EYA3: variants seen among roughly 807,000 people sequenced by gnomAD.
EYA3 encodes EYA transcriptional coactivator and phosphatase 3.
Under a neutral mutation model 80.0 loss-of-function variants are expected in EYA3, and 39 were observed. The ratio of observed to expected loss-of-function variants is 0.49; its 90% CI spans 0.38 to 0.64. The LOEUF is 0.64. Ranked by LOEUF, EYA3 falls within the 30% of genes least tolerant of loss-of-function variation. The pLI, the probability that EYA3 is intolerant of heterozygous loss-of-function variation, is 0.00. For synonymous variants in EYA3, 206 were observed against 232.8 expected, an observed-to-expected ratio of 0.88 and a Z score of 1.05; for missense variants, 523 against 676.1, an observed-to-expected ratio of 0.77 and a Z score of 2.51.
chr1:27,978,359 C>T lies in EYA3; in HGVS notation c.1641+15G>A. 27 of 1,600,808 alleles carry T rather than the reference C, an allele frequency of 1.7e-5. No homozygotes were observed. The highest frequency in any genetic ancestry group is 2.3e-5 in the Non-Finnish European group (27 of 1,168,494). ...ATGTACAACCACATAGACTATTTTT[C>T]TTTACCATGGTTACCTGTTTGGCTG... is the stretch of plus-strand genomic sequence containing the variant. On this transcript the variant is annotated intron_variant, in intron 17 of 17. Coordinates refer to ENST00000373871, the MANE Select transcript of EYA3 (RefSeq NM_001990.4).
intron 1 of EYA3, among the ~76,000 whole-genome samples, chr1:28,084,807 C>A (rs1303707538): frequency 6.6e-6 from 1 of 151,004 alleles, no homozygotes; most frequent in Non-Finnish European, 1.5e-5. Flanking sequence ...TGGGGTTTCA[C>A]CGTGTTGCCC....
At chr1:28,027,219 C>G (rs1242779826) in intron 7 of EYA3, among the ~76,000 whole-genome samples, 2 of 152,104 alleles carry the variant, frequency 1.3e-5, no homozygotes, top group African/African-American at 4.8e-5. Context: ...TCCTAATAGT[C>G]CTGTCATAAT....
intron 12 of EYA3, 116 bp downstream of exon 12, chr1:27,999,844 G>A (rs1010010160): frequency 1.5e-5 from 10 of 671,574 alleles, no homozygotes; most frequent in Non-Finnish European, 2.2e-5. Flanking sequence ...TGGCCAGCTG[G>A]CCTCTCCATA....
chr1:28,006,761 A>C (rs1372048223), intron 10 of EYA3, among the ~76,000 whole-genome samples: 5 of 151,964 alleles, frequency 3.3e-5, no homozygotes, highest in Admixed American at 2.6e-4. Flanking sequence ...CTAGTACCAC[A>C]CCTAGTGGTG....
intron 7 of EYA3, among the ~76,000 whole-genome samples, chr1:28,019,843 G>A (rs910977805): frequency 6.6e-6 from 1 of 152,016 alleles, no homozygotes; most frequent in African/African-American, 2.4e-5. Flanking sequence ...TGAGATTACA[G>A]ACATGCACCA....
chr1:28,048,071 G>T (rs951708950), intron 3 of EYA3, among the ~76,000 whole-genome samples: 1 of 152,086 alleles, frequency 6.6e-6, no homozygotes, highest in African/African-American at 2.4e-5. Flanking sequence ...TTGTACGTCT[G>T]ACTGAAGAAT....
intron 1 of EYA3, among the ~76,000 whole-genome samples, chr1:28,064,201 T>C (rs1438206068): frequency 6.6e-6 from 1 of 152,170 alleles, no homozygotes; most frequent in Non-Finnish European, 1.5e-5. Context: ...TAGCCTTTAA[T>C]AGTTTCAAAT....
chr1:28,069,646 G>C (rs544501180), intron 1 of EYA3, among the ~76,000 whole-genome samples: 1 of 150,466 alleles, frequency 6.6e-6, no homozygotes, highest in Non-Finnish European at 1.5e-5. Context: ...AAGGGAAAGA[G>C]GGGGTAGAAG....
At chr1:27,976,186 G>A (rs989863182) in intron 17 of EYA3, among the ~76,000 whole-genome samples, 5 of 152,166 alleles carry the variant, frequency 3.3e-5, no homozygotes, top group Non-Finnish European at 7.3e-5. Context: ...GAGGCCAGGT[G>A]CAGTGGCTCA....
At chr1:28,027,687 G>T in intron 7 of EYA3, 102 bp downstream of exon 7, 2 of 1,439,342 alleles carry the variant, frequency 1.4e-6, no homozygotes, top group Non-Finnish European at 1.9e-6. Context: ...AGAAGACAGA[G>T]CTCCTGTATT....
intron 12 of EYA3, among the ~76,000 whole-genome samples, chr1:27,999,688 G>A (rs537568719): frequency 3.1e-4 from 47 of 152,206 alleles, no homozygotes; most frequent in African/African-American, 1.1e-3. Flanking sequence ...TGCCTGATGG[G>A]TTGGCCTTTC....
At chr1:28,045,274 C>G (rs1054736729) in intron 3 of EYA3, among the ~76,000 whole-genome samples, 3 of 152,118 alleles carry the variant, frequency 2.0e-5, no homozygotes, top group African/African-American at 7.2e-5. Flanking sequence ...GTTTCCCAAA[C>G]TGGGTGATTT....
intron 1 of EYA3, among the ~76,000 whole-genome samples, chr1:28,086,805 A>G (rs985337584): frequency 1.3e-5 from 2 of 152,174 alleles, no homozygotes; most frequent in South Asian, 4.1e-4. Context: ...GGTACACATA[A>G]GAAACTTTCA....
At position 28,020,667 on chromosome 1, in the gene EYA3, C is replaced by CGTGTGTGTGTGTGTGTGTGT. The variant is rs56017264; in HGVS notation, c.500-3448_500-3429dup. Among the ~76,000 whole-genome samples the CGTGTGTGTGTGTGTGTGTGT allele has an allele frequency of 1.3e-3, 175 of 134,554 alleles. 1 individual carries two copies. Among genetic ancestry groups the CGTGTGTGTGTGTGTGTGTGT allele is most frequent in the Non-Finnish European group, 1.5e-3 (95 of 63,280 alleles). The allele number at this position is 134,554 out of a possible 152,430, so 88.3% of individuals were successfully genotyped here. A position where few individuals can be genotyped will look rare whatever the true frequency, so the allele number is the denominator to read the frequency against. ...GCACTTTTAAAAAAATACAGATCAT[C>CGTGTGTGTGTGTGTGTGTGT]GTGTGTGTGTGTGTGTGTGTGTGTG... On this transcript the variant is annotated intron_variant, in intron 7 of 17. Transcript: ENST00000373871.
intron 17 of EYA3, among the ~76,000 whole-genome samples, chr1:27,975,030 G>A (rs917965912): frequency 2.0e-5 from 3 of 152,034 alleles, no homozygotes; most frequent in African/African-American, 4.8e-5. Context: ...TCTCATGGAT[G>A]GTCAATTTCT....
At chr1:28,061,487 T>A (rs1207677644) in intron 1 of EYA3, among the ~76,000 whole-genome samples, 1 of 152,126 alleles carries the variant, frequency 6.6e-6, no homozygotes, top group African/African-American at 2.4e-5. Context: ...GAAAATACAG[T>A]ATAACTAAGA....
At chr1:28,033,346 G>A in intron 6 of EYA3, among the ~76,000 whole-genome samples, 1 of 151,888 alleles carries the variant, frequency 6.6e-6, no homozygotes, top group Non-Finnish European at 1.5e-5. Context: ...TAATTTCTCT[G>A]GTAAATTCTG....
At chr1:28,058,187 C>G (rs758383558) in intron 1 of EYA3, 93 bp from the exon 2 acceptor site, 59 of 478,928 alleles carry the variant, frequency 1.2e-4, no homozygotes, top group Non-Finnish European at 1.7e-4. Flanking sequence ...TCTTGCTACC[C>G]CAAGCTTTCT....
intron 1 of EYA3, among the ~76,000 whole-genome samples, chr1:28,084,806 A>G (rs575524514): frequency 6.6e-6 from 1 of 150,902 alleles, no homozygotes; most frequent in Non-Finnish European, 1.5e-5. Flanking sequence ...ATGGGGTTTC[A>G]CCGTGTTGCC....
Sources: allele counts gnomAD v4.1 joint callset (sites outside exome capture counted in the v4.1 genomes callset), GRCh38; gene constraint gnomAD v4.1.1; transcripts MANE v1.5; gene names NCBI Gene and HGNC (gene_info 2026-07-23, HGNC 2026-07-21).